Variants in TAFA2 observed in about 807,000 individuals in gnomAD.
The protein encoded by TAFA2 is chemokine-like protein TAFA-2.
In TAFA2, 7 loss-of-function variants were observed where a neutral mutation model predicts 18.8. The observed-to-expected ratio is 0.37, with a 90% CI of 0.21 to 0.70. The LOEUF (loss-of-function observed/expected upper bound fraction) is 0.70. Ranked by LOEUF, TAFA2 falls within the 30% of genes least tolerant of loss-of-function variation. The probability of loss-of-function intolerance (pLI) is 0.53; values close to 1 mark genes in which losing one functional copy is unlikely to be tolerated. For synonymous variants in TAFA2, 60 were observed against 54.2 expected, an observed-to-expected ratio of 1.11 and a Z score of -0.47; for missense variants, 122 against 158.1, an observed-to-expected ratio of 0.77 and a Z score of 1.23.
intron 1 of TAFA2, among the ~76,000 whole-genome samples, chr12:62,256,923 T>C (rs1380104741): frequency 6.6e-6 from 1 of 151,892 alleles, no homozygotes; most frequent in African/African-American, 2.4e-5. Flanking sequence ...TACAATTACA[T>C]AAGATAAAAG....
At chr12:61,986,317 C>A (rs1879817095) in intron 1 of TAFA2, among the ~76,000 whole-genome samples, 1 of 151,902 alleles carries the variant, frequency 6.6e-6, no homozygotes. Context: ...GCATGCACCA[C>A]CACACCCAGC....
At chr12:62,229,478 T>C (rs915714691) in intron 1 of TAFA2, among the ~76,000 whole-genome samples, 2 of 152,144 alleles carry the variant, frequency 1.3e-5, no homozygotes, top group Admixed American at 6.5e-5. Context: ...AATGATCATA[T>C]GGTTTTTGTT....
chr12:61,927,549 A>G (rs1456426573), intron 1 of TAFA2, among the ~76,000 whole-genome samples: 2 of 152,206 alleles, frequency 1.3e-5, no homozygotes, highest in African/African-American at 4.8e-5. Flanking sequence ...ATGCTCATGG[A>G]TAGGAAGAAT....
chr12:62,244,631 A>G (rs1051556831), intron 1 of TAFA2, among the ~76,000 whole-genome samples: 2 of 152,178 alleles, frequency 1.3e-5, no homozygotes, highest in African/African-American at 4.8e-5. Flanking sequence ...AAACATCTAC[A>G]ACTTTACTAA....
intron 4 of TAFA2, among the ~76,000 whole-genome samples, chr12:61,723,190 T>C (rs1869986635): frequency 6.6e-6 from 1 of 152,172 alleles, no homozygotes; most frequent in South Asian, 2.1e-4. Context: ...TTTGTCATAG[T>C]TCTATTATAA....
Position 62,246,008 on chromosome 12 carries a change from A to G in TAFA2, c.-130+12755T>C, listed in dbSNP as rs1342446654. Among the ~76,000 whole-genome samples the G allele has an allele frequency of 4.9e-5, 7 of 142,956 alleles. No homozygotes were observed. The Admixed American group carries it at 4.9e-4, about 10-fold the overall frequency. The allele number at this position is 142,956 out of a possible 152,430, so 93.8% of individuals were successfully genotyped here. ...GTTATTCCTTTTTTTTTTTTTTGAG[A>G]CGGAGTCTCACTCTGTCGCCCAGGC... On this transcript the variant is annotated intron_variant, in intron 1 of 5. Coordinates refer to the TAFA2 transcript ENST00000551619.
intron 4 of TAFA2, among the ~76,000 whole-genome samples, chr12:61,721,992 A>G (rs1047052905): frequency 1.3e-5 from 2 of 152,138 alleles, no homozygotes; most frequent in African/African-American, 4.8e-5. Flanking sequence ...TCCCTTTTCC[A>G]AAGTACTCCA....
At chr12:61,855,943 T>G (rs1227653797) in intron 2 of TAFA2, among the ~76,000 whole-genome samples, 2 of 152,014 alleles carry the variant, frequency 1.3e-5, no homozygotes, top group African/African-American at 4.8e-5. Context: ...AAGTAAGATT[T>G]TATTAGAAAG....
chr12:61,995,415 T>C (rs1046838795), intron 1 of TAFA2, among the ~76,000 whole-genome samples: 4 of 152,246 alleles, frequency 2.6e-5, no homozygotes, highest in African/African-American at 7.2e-5. Flanking sequence ...TCTTCTTCAC[T>C]ACATTTTCTC....
chr12:61,771,951 G>A (rs1376026223), intron 2 of TAFA2, among the ~76,000 whole-genome samples: 2 of 149,116 alleles, frequency 1.3e-5, no homozygotes, highest in African/African-American at 4.9e-5. Flanking sequence ...ATGTTTCTTT[G>A]AAAAGATAAA....
chr12:61,755,375 C>G (rs952307095), intron 2 of TAFA2, among the ~76,000 whole-genome samples: 1 of 152,006 alleles, frequency 6.6e-6, no homozygotes. Context: ...TAAAATAAAC[C>G]TCTGGCCTAG....
intron 1 of TAFA2, among the ~76,000 whole-genome samples, chr12:61,897,981 C>T (rs1354614069): frequency 2.0e-5 from 3 of 152,192 alleles, no homozygotes; most frequent in Non-Finnish European, 4.4e-5. Flanking sequence ...TGGATAAATG[C>T]TCTCATTCCA....
At chr12:61,786,943 G>A (rs1348920497) in intron 2 of TAFA2, among the ~76,000 whole-genome samples, 2 of 151,372 alleles carry the variant, frequency 1.3e-5, no homozygotes, top group Admixed American at 6.6e-5. Context: ...TCAGAAAAAA[G>A]AAGGGAAATG....
At chr12:61,941,707 A>G (rs1478368738) in intron 1 of TAFA2, among the ~76,000 whole-genome samples, 1 of 152,136 alleles carries the variant, frequency 6.6e-6, no homozygotes, top group Non-Finnish European at 1.5e-5. Context: ...CACCTGGAAA[A>G]TGGGGTCACT....
In TAFA2 at chr12:62,000,654, A is replaced by C. The variant is rs1880348229; in HGVS notation, c.-1-133228T>G. Among the ~76,000 whole-genome samples, 3 of 151,192 alleles carry C rather than the reference A, an allele frequency of 2.0e-5. 1 individual carries two copies. Among genetic ancestry groups the C allele is most frequent in the Non-Finnish European group, 4.4e-5 (3 of 67,854 alleles). ...AATGTACAAAGGTGTTTAAAGCAGTATTATGTGGAATATCCCCAAGCTGGA... is the reference window on the plus strand; with the variant it reads ...AATGTACAAAGGTGTTTAAAGCAGTCTTATGTGGAATATCCCCAAGCTGGA... On this transcript the variant is annotated intron_variant, in intron 1 of 4. Coordinates refer to ENST00000416284, the MANE Select transcript of TAFA2 (RefSeq NM_178539.5).
chr12:61,837,372 G>T (rs1872977382), intron 2 of TAFA2, among the ~76,000 whole-genome samples: 1 of 151,934 alleles, frequency 6.6e-6, no homozygotes, highest in South Asian at 2.1e-4. Context: ...GAATAAAAAT[G>T]AATGTTGTTC....
chr12:62,044,673 G>A (rs187998101), intron 1 of TAFA2, among the ~76,000 whole-genome samples: 11 of 152,262 alleles, frequency 7.2e-5, no homozygotes, highest in African/African-American at 2.4e-4. Context: ...GCAGACTTCA[G>A]TCACGTGCCA....
intron 4 of TAFA2, among the ~76,000 whole-genome samples, chr12:61,728,526 G>C (rs1480955932): frequency 6.6e-6 from 1 of 151,560 alleles, no homozygotes. Context: ...AGTCTGTTTT[G>C]TCTGATATAA....
In TAFA2 at chr12:62,254,031, G is replaced by A. The variant is rs114555552; in HGVS notation, c.-130+4732C>T. ...TAAGAATACCTTCACACAAAAGACT[G>A]AGTAAAGCTACACTTTAAATATTAT... On this transcript the variant is annotated intron_variant, in intron 1 of 5. Coordinates refer to the TAFA2 transcript ENST00000551619. Among the ~76,000 whole-genome samples the A allele has an allele frequency of 8.1e-4, 123 of 152,326 alleles. 1 individual carries two copies. Among genetic ancestry groups the A allele is most frequent in the African/African-American group, 2.9e-3 (121 of 41,572 alleles).
Sources: allele counts gnomAD v4.1 joint callset (sites outside exome capture counted in the v4.1 genomes callset), GRCh38; gene constraint gnomAD v4.1.1; transcripts MANE v1.5; gene names NCBI Gene and HGNC (gene_info 2026-07-23, HGNC 2026-07-21).